Variants in NREP observed in about 807,000 individuals in gnomAD.
NREP encodes the protein neuronal regeneration related protein, also known as neuronal regeneration-related protein.
Under a neutral mutation model 8.6 loss-of-function variants are expected in NREP, and 5 were observed. That is an observed-to-expected ratio of 0.58 (90% confidence interval 0.30 to 1.22). The LOEUF (loss-of-function observed/expected upper bound fraction) is 1.22. NREP is among the 50% of genes most tolerant of loss of function. The probability of loss-of-function intolerance (pLI) is 0.07; values close to 1 mark genes in which losing one functional copy is unlikely to be tolerated. For missense variants in NREP, 86 were observed against 82.5 expected (o/e 1.04, Z -0.17); for synonymous variants, 27 against 28.0 (o/e 0.96, Z 0.11).
chr5:111,906,633 C>T (rs891879799), intron 2 of NREP, among the ~76,000 whole-genome samples: 5 of 152,074 alleles, frequency 3.3e-5, no homozygotes, highest in East Asian at 1.9e-4. Context: ...GCTCACTCTA[C>T]GGGGCTCCCT....
intron 2 of NREP, among the ~76,000 whole-genome samples, chr5:111,803,795 A>C (rs1048769151): frequency 3.3e-5 from 5 of 152,198 alleles, no homozygotes; most frequent in Admixed American, 3.3e-4. Flanking sequence ...TGAATGTGGG[A>C]GATAAAAATT....
intron 2 of NREP, among the ~76,000 whole-genome samples, chr5:111,753,603 T>C (rs1282656708): frequency 6.6e-6 from 1 of 151,980 alleles, no homozygotes; most frequent in Non-Finnish European, 1.5e-5. Context: ...ACTAAATAGG[T>C]AAAATATACT....
chr5:111,761,212 T>C (rs1337653394), upstream of NREP, among the ~76,000 whole-genome samples: 1 of 152,258 alleles, frequency 6.6e-6, no homozygotes, highest in Non-Finnish European at 1.5e-5. Flanking sequence ...CAATAGGTAT[T>C]ATAGACTGCT....
chr5:111,882,607 GC>G (rs533239033), intron 2 of NREP, among the ~76,000 whole-genome samples: 73 of 152,306 alleles, frequency 4.8e-4, no homozygotes, highest in African/African-American at 1.7e-3. Context: ...ACAAAGGGAA[GC>G]CCATCAGACT....
At chr5:111,761,806 AT>A (rs1750965571), upstream of NREP, among the ~76,000 whole-genome samples, 1 of 152,332 alleles carries the variant, frequency 6.6e-6, no homozygotes, top group South Asian at 2.1e-4. Context: ...GGATCTGATA[AT>A]GGGCTAATAA....
chr5:111,777,764 T>C lies in NREP; in HGVS notation c.136-42257A>G, dbSNP rs1751399626. ...GGCAAAGTTCTAGAAATTATAGGTG[T>C]GGAGAAAACAAGGGAAATGTATCAC... On this transcript the variant is annotated intron_variant, in intron 2 of 3. Transcript: ENST00000395634. Among the ~76,000 whole-genome samples, 3 of 152,102 alleles carry C rather than the reference T, an allele frequency of 2.0e-5. No homozygotes were observed. The South Asian group carries it at 6.2e-4, about 31-fold the overall frequency.
At chr5:111,748,396 C>T (rs565042979) in intron 2 of NREP, among the ~76,000 whole-genome samples, 1 of 152,152 alleles carries the variant, frequency 6.6e-6, no homozygotes, top group Non-Finnish European at 1.5e-5. Context: ...CCGGCCATGA[C>T]TCATTGTATG....
intron 2 of NREP, among the ~76,000 whole-genome samples, chr5:111,953,936 A>C (rs763951255): frequency 4.6e-5 from 7 of 152,120 alleles, no homozygotes; most frequent in Non-Finnish European, 8.8e-5. Context: ...AAGTATCACC[A>C]TGTGTACCTG....
At chr5:111,766,436 T>A (rs1019539169) in intron 2 of NREP, among the ~76,000 whole-genome samples, 27 of 152,114 alleles carry the variant, frequency 1.8e-4, no homozygotes, top group African/African-American at 5.3e-4. Context: ...TGTGAAAGGG[T>A]TGAAAAGAGT....
At chr5:111,817,339 T>G (rs1196916620) in intron 2 of NREP, among the ~76,000 whole-genome samples, 2 of 152,214 alleles carry the variant, frequency 1.3e-5, no homozygotes, top group East Asian at 1.9e-4. Flanking sequence ...AGACTTCCTT[T>G]TCTCATTCTC....
chr5:111,924,921 G>A (rs757474768), intron 2 of NREP, among the ~76,000 whole-genome samples: 2 of 152,214 alleles, frequency 1.3e-5, no homozygotes, highest in Non-Finnish European at 1.5e-5. Flanking sequence ...GAGCTAAAAT[G>A]TCTCCACGTA....
chr5:111,863,344 T>C (rs1376774513), intron 2 of NREP, among the ~76,000 whole-genome samples: 1 of 152,138 alleles, frequency 6.6e-6, no homozygotes, highest in Non-Finnish European at 1.5e-5. Flanking sequence ...AGTTCTATTT[T>C]ATATGTGCTA....
At chr5:111,935,607 A>G (rs1423805045) in intron 2 of NREP, among the ~76,000 whole-genome samples, 1 of 152,102 alleles carries the variant, frequency 6.6e-6, no homozygotes, top group Non-Finnish European at 1.5e-5. Flanking sequence ...TAAGAATAAA[A>G]TAAAAATTAA....
chr5:111,813,171 A>G (rs1752306835), intron 2 of NREP, among the ~76,000 whole-genome samples: 1 of 152,160 alleles, frequency 6.6e-6, no homozygotes, highest in Non-Finnish European at 1.5e-5. Context: ...AGGTATATTA[A>G]GTGACTTCCC....
intron 2 of NREP, among the ~76,000 whole-genome samples, chr5:111,941,785 T>A (rs1755836519): frequency 6.6e-6 from 1 of 152,062 alleles, no homozygotes; most frequent in Non-Finnish European, 1.5e-5. Flanking sequence ...TTAAAACCAA[T>A]TGAGAGGCTG....
chr5:111,809,622 A>G (rs956370517), intron 2 of NREP, among the ~76,000 whole-genome samples: 1 of 152,074 alleles, frequency 6.6e-6, no homozygotes, highest in African/African-American at 2.4e-5. Context: ...CTTCTCATGT[A>G]TCCACTTCCC....
intron 2 of NREP, among the ~76,000 whole-genome samples, chr5:111,825,195 A>G (rs1254228600): frequency 6.6e-6 from 1 of 152,118 alleles, no homozygotes; most frequent in East Asian, 1.9e-4. Context: ...TAAAACTCAA[A>G]TAAATAAATA....
chr5:111,874,701 G>C (rs965914484), intron 2 of NREP, among the ~76,000 whole-genome samples: 1 of 152,192 alleles, frequency 6.6e-6, no homozygotes, highest in African/African-American at 2.4e-5. Flanking sequence ...AGTTCTGAGA[G>C]TGAAGCATGA....
intron 2 of NREP, among the ~76,000 whole-genome samples, chr5:111,906,922 T>C (rs1027719529): frequency 6.6e-6 from 1 of 152,016 alleles, no homozygotes; most frequent in African/African-American, 2.4e-5. Context: ...TTTCTTTCCT[T>C]TTACAAAAAT....
Sources: allele counts gnomAD v4.1 joint callset (sites outside exome capture counted in the v4.1 genomes callset), GRCh38; gene constraint gnomAD v4.1.1; transcripts MANE v1.5; gene names NCBI Gene and HGNC (gene_info 2026-07-23, HGNC 2026-07-21).